The following PDE8A variants were observed in gnomAD, a reference collection of about 807,000 sequenced individuals.
PDE8A encodes high affinity cAMP-specific and IBMX-insensitive 3',5'-cyclic phosphodiesterase 8A.
Under a neutral mutation model 105.0 loss-of-function variants are expected in PDE8A, and 59 were observed. That is an observed-to-expected ratio of 0.56 (90% confidence interval 0.46 to 0.70). The LOEUF is 0.70. Ranked by LOEUF, PDE8A falls within the 30% of genes least tolerant of loss-of-function variation. The pLI is 0.00. For missense variants in PDE8A, 1,014 were observed against 1,045.9 expected (o/e 0.97, Z 0.42); for synonymous variants, 355 against 371.9 (o/e 0.95, Z 0.52).
At chr15:85,044,057 A>T (rs181921160) in intron 1 of PDE8A, among the ~76,000 whole-genome samples, 16 of 152,352 alleles carry the variant, frequency 1.1e-4, no homozygotes, top group African/African-American at 3.6e-4. Context: ...GCCTTGTAAT[A>T]TGTATGTGCA....
intron 1 of PDE8A, among the ~76,000 whole-genome samples, chr15:85,051,943 A>G (rs12593499): frequency 0.57 from 86,734 of 151,424 alleles, 26,364 homozygotes; most frequent in African/African-American, 0.8. Flanking sequence ...TTTACATTAG[A>G]TATATCTCCT....
rs1480028832 is a variant in PDE8A, at chr15:85,138,108, C to G, written c.*205C>G. ...TCAAGTGAGACTTGGCCACTGTAGC[C>G]TGGGCCTGCTGCAGGAGCTCTTCAG... On this transcript the variant is annotated 3_prime_UTR_variant, in exon 22 of 22. Coordinates refer to ENST00000394553, the MANE Select transcript of PDE8A (RefSeq NM_002605.3). 1 of 499,708 alleles carries G rather than the reference C, an allele frequency of 2.0e-6. No individual in the cohort carries two copies. Among genetic ancestry groups the G allele is most frequent in the Non-Finnish European group, 3.6e-6 (1 of 279,594 alleles). 31.0% of individuals were successfully genotyped at this position (499,708 alleles called of 1,614,324 possible). A position where few individuals can be genotyped will look rare whatever the true frequency, so the allele number is the denominator to read the frequency against.
chr15:84,987,547 C>A, intron 1 of PDE8A, among the ~76,000 whole-genome samples: 1 of 145,706 alleles, frequency 6.9e-6, no homozygotes, highest in East Asian at 2.0e-4. Flanking sequence ...TCTCAGCTTA[C>A]CACAACCTCC....
chr15:85,053,616 T>G (rs1424818467), intron 1 of PDE8A, among the ~76,000 whole-genome samples: 4 of 147,566 alleles, frequency 2.7e-5, no homozygotes, highest in Non-Finnish European at 4.5e-5. Flanking sequence ...GATTTGGCTG[T>G]CTGTCTGTTA....
intron 1 of PDE8A, among the ~76,000 whole-genome samples, chr15:84,989,542 A>G (rs2142148340): frequency 6.6e-6 from 1 of 152,334 alleles, no homozygotes; most frequent in Middle Eastern, 3.4e-3. Context: ...AAAAGACTAT[A>G]GGAGGAGGAG....
chr15:84,993,717 A>G (rs575843616), intron 1 of PDE8A, among the ~76,000 whole-genome samples: 9 of 148,974 alleles, frequency 6.0e-5, no homozygotes, highest in Non-Finnish European at 9.0e-5. Context: ...CCCATTCTCT[A>G]TAAAAAAAAA....
chr15:85,125,155 A>C (rs942256102), intron 19 of PDE8A, among the ~76,000 whole-genome samples: 3 of 151,638 alleles, frequency 2.0e-5, no homozygotes, highest in Non-Finnish European at 4.4e-5. Context: ...TCATTTTGGC[A>C]CTCTCCAGGA....
At chr15:85,013,514 T>C (rs1215945726) in intron 1 of PDE8A, among the ~76,000 whole-genome samples, 2 of 152,200 alleles carry the variant, frequency 1.3e-5, no homozygotes, top group Non-Finnish European at 2.9e-5. Flanking sequence ...CTATTATATG[T>C]GTTTGCCAGA....
intron 18 of PDE8A, among the ~76,000 whole-genome samples, chr15:85,122,767 G>T (rs1372941342): frequency 1.3e-5 from 2 of 152,216 alleles, no homozygotes; most frequent in African/African-American, 2.4e-5. Flanking sequence ...ACACCTCCAT[G>T]TGGGGTATAT....
intron 1 of PDE8A, among the ~76,000 whole-genome samples, chr15:85,027,974 T>C (rs1243288662): frequency 6.6e-6 from 1 of 152,218 alleles, no homozygotes; most frequent in Non-Finnish European, 1.5e-5. Flanking sequence ...AACTTCATAG[T>C]GTTACATTGT....
At chr15:84,994,362 G>A (rs1412175413) in intron 1 of PDE8A, among the ~76,000 whole-genome samples, 1 of 152,202 alleles carries the variant, frequency 6.6e-6, no homozygotes, top group African/African-American at 2.4e-5. Context: ...CAGCCAAGGT[G>A]TACAAAATCC....
At chr15:85,074,512 G>A (rs1392453065) in intron 3 of PDE8A, among the ~76,000 whole-genome samples, 1 of 152,174 alleles carries the variant, frequency 6.6e-6, no homozygotes, top group East Asian at 1.9e-4. Context: ...ACCAGCCTGG[G>A]CAATGTAGTG....
intron 1 of PDE8A, among the ~76,000 whole-genome samples, chr15:85,020,530 G>C (rs566273993): frequency 4.6e-5 from 7 of 152,320 alleles, no homozygotes; most frequent in Admixed American, 3.9e-4. Flanking sequence ...CTTGAACACG[G>C]GAGGTGGAGG....
chr15:85,006,788 T>C (rs1253809552), intron 1 of PDE8A, among the ~76,000 whole-genome samples: 1 of 152,134 alleles, frequency 6.6e-6, no homozygotes, highest in South Asian at 2.1e-4. Flanking sequence ...ATTAGGCTAC[T>C]GTATTGCGAG....
chr15:85,042,325 C>T (rs139083577), intron 1 of PDE8A, among the ~76,000 whole-genome samples: 1 of 152,178 alleles, frequency 6.6e-6, no homozygotes, highest in Non-Finnish European at 1.5e-5. Context: ...CAGGTATGTA[C>T]CACCGTGCCC....
At chr15:85,061,400 A>G (rs1053995189) in intron 1 of PDE8A, among the ~76,000 whole-genome samples, 2 of 145,630 alleles carry the variant, frequency 1.4e-5, no homozygotes, top group Non-Finnish European at 3.0e-5. Flanking sequence ...CACCCAGCTA[A>G]TTTTTTTTTT....
chr15:85,096,152 G>A (rs2081748034), intron 8 of PDE8A, among the ~76,000 whole-genome samples: 1 of 152,210 alleles, frequency 6.6e-6, no homozygotes, highest in East Asian at 1.9e-4. Flanking sequence ...TGGGATCACA[G>A]GCGTGAGCCA....
At chr15:85,043,708 G>GTTT (rs200898662) in intron 1 of PDE8A, among the ~76,000 whole-genome samples, 4 of 151,046 alleles carry the variant, frequency 2.6e-5, no homozygotes, top group Non-Finnish European at 3.0e-5. Context: ...TTGTTTGTTT[G>GTTT]TTTTTTTGAG....
intron 3 of PDE8A, among the ~76,000 whole-genome samples, chr15:85,067,666 C>T (rs955285323): frequency 6.6e-6 from 1 of 152,088 alleles, no homozygotes; most frequent in African/African-American, 2.4e-5. Flanking sequence ...TTATTTGTTG[C>T]TGATGGAAGC....
Sources: gnomAD v4.1 joint callset for allele counts (sites outside exome capture counted in the v4.1 genomes callset) on GRCh38, gnomAD v4.1.1 for gene constraint, MANE v1.5 for transcripts, NCBI Gene and HGNC (gene_info 2026-07-23, HGNC 2026-07-21) for gene names.